ARL17A: variants seen among roughly 807,000 people sequenced by gnomAD.
The protein encoded by ARL17A is ADP-ribosylation factor-like 17-like.
chr17:46,550,908 C>T (rs1323327027), downstream of ARL17A, among the ~76,000 whole-genome samples: 1 of 147,836 alleles, frequency 6.8e-6, no homozygotes, highest in African/African-American at 2.7e-5. Context: ...TTGTCATCAC[C>T]CTGGAGAGGA....
rs772087419 is a variant in ARL17A at position 46,517,270 on chromosome 17, G to C, written c.260-37C>G. Reference sequence around the variant, plus strand: ...AAAGCAGGTGTTATTTTCTGTTTCTGAATATCCCCAACAAGATTGCAATGA... The same window carrying C: ...AAAGCAGGTGTTATTTTCTGTTTCTCAATATCCCCAACAAGATTGCAATGA... On this transcript the variant is annotated intron_variant, in intron 3 of 4. Coordinates refer to the ARL17A transcript ENST00000445552. The C allele has an allele frequency of 4.3e-5, 33 of 772,182 alleles. 11 individuals are homozygous for C. The East Asian group carries it at 8.8e-4, about 21-fold the overall frequency. 47.8% of individuals were successfully genotyped at this position (772,182 alleles called of 1,614,324 possible).
chr17:46,543,583 G>T (rs1025691708), intron 3 of ARL17A, among the ~76,000 whole-genome samples: 2 of 150,772 alleles, frequency 1.3e-5, no homozygotes, highest in African/African-American at 5.0e-5. Context: ...TGGTTCTTAG[G>T]GGCTGCACAC....
the ARL17A span, among the ~76,000 whole-genome samples, chr17:46,502,708 G>A: frequency 6.6e-6 from 1 of 151,338 alleles, no homozygotes; most frequent in Non-Finnish European, 1.5e-5. Flanking sequence ...AAGGCCTAAG[G>A]CACCTGTGAG....
downstream of ARL17A, chr17:46,549,145 C>T (rs774729015): frequency 6.2e-7 from 1 of 1,611,374 alleles, no homozygotes; most frequent in Non-Finnish European, 8.5e-7. Context: ...TCTGAGTAGA[C>T]TGATGCTCGC....
At position 46,553,208 on chromosome 17, in the gene ARL17A, C is replaced by T. The variant is rs1598560249; in HGVS notation, c.*4148G>A. 1 of 849,452 alleles carries T rather than the reference C, an allele frequency of 1.2e-6. No homozygotes were observed. Among genetic ancestry groups the T allele is most frequent in the East Asian group, 1.3e-4 (1 of 7,808 alleles). The allele number at this position is 849,452 out of a possible 1,614,324, so 52.6% of individuals were successfully genotyped here. ...GTGGGGGCGGTATCCTAGAACCAAT[C>T]CCCCGCAAGATAGCAAGGATGACTG... On this transcript the variant is annotated 3_prime_UTR_variant, in exon 4 of 4. Transcript: ENST00000336125.
At chr17:46,530,267 G>C (rs2053489791) in intron 4 of ARL17A, among the ~76,000 whole-genome samples, 5 of 113,984 alleles carry the variant, frequency 4.4e-5, no homozygotes, top group Admixed American at 1.0e-4. Flanking sequence ...ACTTTGTACA[G>C]AGCCCACCAG....
chr17:46,511,459 C>CATTTT, the ARL17A span: 3 of 94,108 alleles, frequency 3.2e-5, no homozygotes, highest in Admixed American at 1.1e-4. Flanking sequence ...GAATCTCTTC[C>CATTTT]ATTTTATTTT....
chr17:46,505,959 AT>A, the ARL17A span, among the ~76,000 whole-genome samples: 1 of 100,960 alleles, frequency 9.9e-6, no homozygotes, highest in Non-Finnish European at 1.9e-5. Context: ...ATGCACCACC[AT>A]GCCTGGCTAA....
At chr17:46,502,286 A>G in the ARL17A span, among the ~76,000 whole-genome samples, 1 of 151,014 alleles carries the variant, frequency 6.6e-6, no homozygotes, top group Non-Finnish European at 1.5e-5. Flanking sequence ...CTTGACCCCC[A>G]CTGTTATCTA....
At chr17:46,527,866 T>C (rs1316853430), downstream of ARL17A, among the ~76,000 whole-genome samples, 8 of 86,654 alleles carry the variant, frequency 9.2e-5, no homozygotes, top group African/African-American at 3.2e-4. Flanking sequence ...TTCTATTTTG[T>C]AGATGAGGAA....
intron 3 of ARL17A, among the ~76,000 whole-genome samples, chr17:46,541,694 T>C (rs1336180058): frequency 6.6e-6 from 1 of 150,808 alleles, no homozygotes; most frequent in African/African-American, 2.5e-5. Flanking sequence ...AAATAAAATA[T>C]ATAAAACAAC....
At chr17:46,568,745 C>A (rs1427081043) in intron 3 of ARL17A, among the ~76,000 whole-genome samples, 1 of 85,360 alleles carries the variant, frequency 1.2e-5, no homozygotes, top group Non-Finnish European at 2.2e-5. Context: ...GCAGAGGTTA[C>A]AGTGAGCCAA....
In ARL17A at chr17:46,558,668, G is replaced by A. The variant is rs1299332458; in HGVS notation, c.260-1038C>T. On this transcript the variant is annotated intron_variant, in intron 3 of 3. Coordinates refer to ENST00000336125, the MANE Select transcript of ARL17A (RefSeq NM_001113738.2). ...GGCCTCCCAAAGTGCTGGGATTACA[G>A]GCATGAGTCACTGTGCCCCGCCAGG... Among the ~76,000 whole-genome samples the A allele has an allele frequency of 2.3e-5, 3 of 130,636 alleles. 1 individual carries two copies. Among genetic ancestry groups the A allele is most frequent in the African/African-American group, 9.0e-5 (3 of 33,404 alleles). The allele number at this position is 130,636 out of a possible 152,430, so 85.7% of individuals were successfully genotyped here. A position where few individuals can be genotyped will look rare whatever the true frequency, so the allele number is the denominator to read the frequency against.
At chr17:46,516,630 G>C (rs2051392520), downstream of ARL17A, 1 of 166,568 alleles carries the variant, frequency 6.0e-6, no homozygotes, top group African/African-American at 2.5e-5. Context: ...TTGATTATCA[G>C]CTACAGGAGT....
Position 46,553,470 on chromosome 17 carries a change from T to G in ARL17A, c.*3886A>C, listed in dbSNP as rs764089726. The G allele has an allele frequency of 1.9e-6, 3 of 1,607,452 alleles. No individual in the cohort carries two copies. The Admixed American group carries it at 5.0e-5, about 27-fold the overall frequency. On this transcript the variant is annotated 3_prime_UTR_variant, in exon 4 of 4. Coordinates refer to ENST00000336125, the MANE Select transcript of ARL17A (RefSeq NM_001113738.2). ...TCAAGGTAAATATTAGTCTGGTGAT[T>G]TTTTTTTTCTTCTCTTTTGAGACGG... is the stretch of plus-strand genomic sequence containing the variant.
At chr17:46,548,237 G>C, downstream of ARL17A, 1 of 330,330 alleles carries the variant, frequency 3.0e-6, no homozygotes, top group South Asian at 2.4e-5. Context: ...TGTGTGACTG[G>C]GGTGTACAGC....
rs1317837191 is a variant in ARL17A, at chr17:46,544,762, T to A, written c.260-6336A>T. ...CCAATAAGCCACAACAATAAATTAA[T>A]CAATTGTCTCGGTCACCTCTTTTGC... On this transcript the variant is annotated intron_variant, in intron 3 of 4. Transcript: ENST00000329240. 1.9e-4 allele frequency among the ~76,000 whole-genome samples: 18 copies of A among 95,654 alleles called. 1 individual carries two copies. Among genetic ancestry groups the A allele is most frequent in the Non-Finnish European group, 3.5e-4 (18 of 51,602 alleles). 62.8% of individuals were successfully genotyped at this position (95,654 alleles called of 152,430 possible).
chr17:46,528,960 T>C, intron 4 of ARL17A: 1 of 576,000 alleles, frequency 1.7e-6, no homozygotes, highest in African/African-American at 2.2e-5. Context: ...GACTACCTTC[T>C]TCCATGGAAC....
chr17:46,502,982 G>A, the ARL17A span, among the ~76,000 whole-genome samples: 1 of 150,702 alleles, frequency 6.6e-6, no homozygotes, highest in Non-Finnish European at 1.5e-5. Flanking sequence ...GGAGGCTGAG[G>A]TGGGTGGATC....
Sources: allele counts gnomAD v4.1 joint callset (sites outside exome capture counted in the v4.1 genomes callset), GRCh38; gene constraint gnomAD v4.1.1; transcripts MANE v1.5; gene names NCBI Gene and HGNC (gene_info 2026-07-23, HGNC 2026-07-21).